IPCEF1: variants seen among roughly 807,000 people sequenced by gnomAD.
The protein encoded by IPCEF1 is interactor protein for cytohesin exchange factors 1.
A neutral mutation model predicts 50.9 loss-of-function variants in IPCEF1; 31 were observed. The observed-to-expected ratio is 0.61, with a 90% CI of 0.46 to 0.82. IPCEF1 has a LOEUF of 0.82. IPCEF1 is among the 40% of genes least tolerant of loss of function. The pLI is 0.00. For synonymous variants in IPCEF1, 181 were observed against 192.0 expected (o/e 0.94, Z 0.47); for missense variants, 458 against 514.0 (o/e 0.89, Z 1.05).
At chr6:154,315,334 T>C (rs550818116) in intron 1 of IPCEF1, among the ~76,000 whole-genome samples, 3 of 152,314 alleles carry the variant, frequency 2.0e-5, no homozygotes, top group East Asian at 3.9e-4. Flanking sequence ...AGCATTTCTA[T>C]GAACATGACA....
intron 7 of IPCEF1, chr6:154,219,110 T>G (rs1017228053): frequency 6.6e-6 from 1 of 152,098 alleles, no homozygotes; most frequent in Non-Finnish European, 1.5e-5. Flanking sequence ...GAAATGTAAA[T>G]AAACACTGGG....
intron 1 of IPCEF1, among the ~76,000 whole-genome samples, chr6:154,324,816 CA>C (rs1033550185): frequency 4.0e-5 from 6 of 151,500 alleles, no homozygotes; most frequent in African/African-American, 1.5e-4. Flanking sequence ...TCGAAACAAA[CA>C]AAAAAATACA....
chr6:154,215,421 G>T (rs790255), intron 7 of IPCEF1, among the ~76,000 whole-genome samples: 82,903 of 151,754 alleles, frequency 0.55, 23,096 homozygotes, highest in South Asian at 0.76. Flanking sequence ...CTGACCAACA[G>T]GGAGAAACCC....
chr6:154,219,819 A>G (rs1311697663), intron 7 of IPCEF1, among the ~76,000 whole-genome samples: 1 of 152,138 alleles, frequency 6.6e-6, no homozygotes, highest in African/African-American at 2.4e-5. Flanking sequence ...TGTTTGGAAG[A>G]CTCAACTGTC....
In IPCEF1 at chr6:154,234,597, T is replaced by G. The variant is rs187923568; in HGVS notation, c.247-11354A>C. Among the ~76,000 whole-genome samples, 442 of 152,330 alleles carry G rather than the reference T, an allele frequency of 2.9e-3. 1 individual carries two copies. Among genetic ancestry groups the G allele is most frequent in the Non-Finnish European group, 5.1e-3 (345 of 68,034 alleles). On this transcript the variant is annotated intron_variant, in intron 5 of 11. Transcript: ENST00000367220. The stretch of plus-strand genomic sequence containing the variant: ...TCAACCAAGGATATGGCTCTCTCAC[T>G]ATCACATTACGTCATATTTAGGTGG...
intron 5 of IPCEF1, among the ~76,000 whole-genome samples, chr6:154,240,244 C>T (rs1224090452): frequency 6.6e-6 from 1 of 152,184 alleles, no homozygotes; most frequent in African/African-American, 2.4e-5. Flanking sequence ...CTGGTACATG[C>T]TCTGTACCTG....
chr6:154,306,152 T>C (rs1260811455), intron 1 of IPCEF1, among the ~76,000 whole-genome samples: 2 of 152,152 alleles, frequency 1.3e-5, no homozygotes, highest in East Asian at 3.9e-4. Flanking sequence ...CATCTAACTC[T>C]GGAAGTCGCC....
At chr6:154,252,007 G>T (rs1395507097) in intron 3 of IPCEF1, among the ~76,000 whole-genome samples, 4 of 152,204 alleles carry the variant, frequency 2.6e-5, no homozygotes, top group African/African-American at 9.6e-5. Context: ...TAAAGATACT[G>T]AGTCTGATAA....
chr6:154,289,787 G>GAA (rs1782466993), intron 1 of IPCEF1, 31 bp from the exon 2 acceptor site: 4 of 149,608 alleles, frequency 2.7e-5, no homozygotes, highest in African/African-American at 9.8e-5. Context: ...AAAAAAGAGA[G>GAA]AGAGAGGAAA....
intron 1 of IPCEF1, among the ~76,000 whole-genome samples, chr6:154,334,215 A>T (rs1430831827): frequency 2.0e-5 from 3 of 152,154 alleles, no homozygotes; most frequent in Non-Finnish European, 4.4e-5. Context: ...CAATTTAAAG[A>T]CCTTCTCTTT....
intron 5 of IPCEF1, among the ~76,000 whole-genome samples, chr6:154,243,910 A>G (rs1338786129): frequency 2.6e-5 from 4 of 152,208 alleles, no homozygotes; most frequent in African/African-American, 9.7e-5. Context: ...GAGAGCATAT[A>G]TGCAAGGTAC....
At chr6:154,240,856 G>T (rs80344340) in intron 5 of IPCEF1, among the ~76,000 whole-genome samples, 2,206 of 152,260 alleles carry the variant, frequency 0.014, 56 homozygotes, top group African/African-American at 0.05. Flanking sequence ...ACATATTGGG[G>T]CCTCAAAGAA....
chr6:154,222,437 A>G (rs2128617796), intron 6 of IPCEF1, among the ~76,000 whole-genome samples: 1 of 152,386 alleles, frequency 6.6e-6, no homozygotes, highest in South Asian at 2.1e-4. Context: ...CCCCTTTCTG[A>G]TAAGACTGGA....
rs931063276 is a variant in IPCEF1 at position 154,216,749 on chromosome 6, T to C, written c.393-2473A>G. 2.0e-5 allele frequency among the ~76,000 whole-genome samples: 3 copies of C among 152,180 alleles called. No individual in the cohort carries two copies. In the South Asian group the frequency reaches 6.2e-4, roughly 32 times the overall value. On this transcript the variant is annotated intron_variant, in intron 7 of 11. Coordinates refer to ENST00000367220, the MANE Select transcript of IPCEF1 (RefSeq NM_001130700.2). ...CAGGCGTGGTGGCACACGCCTATAA[T>C]CCCAGCTACTTGGGAGGCTGAGGCA...
intron 8 of IPCEF1, among the ~76,000 whole-genome samples, chr6:154,213,898 A>G (rs1015989793): frequency 4.6e-5 from 7 of 152,314 alleles, no homozygotes; most frequent in Middle Eastern, 6.8e-3. Context: ...TCATGACGAG[A>G]TCATGTCTAT....
intron 1 of IPCEF1, among the ~76,000 whole-genome samples, chr6:154,338,336 G>C (rs994005065): frequency 1.3e-5 from 2 of 152,144 alleles, no homozygotes. Flanking sequence ...CTCTAACCCT[G>C]CCACTTTATG....
chr6:154,339,982 G>T (rs1437218887), intron 1 of IPCEF1, among the ~76,000 whole-genome samples: 1 of 152,162 alleles, frequency 6.6e-6, no homozygotes, highest in African/African-American at 2.4e-5. Flanking sequence ...AGAGGAAACT[G>T]AGTGGGGATC....
intron 3 of IPCEF1, among the ~76,000 whole-genome samples, chr6:154,252,271 A>G (rs1215847546): frequency 6.6e-6 from 1 of 152,214 alleles, no homozygotes; most frequent in East Asian, 1.9e-4. Context: ...ATTAACAGCC[A>G]AAGAAAAAGT....
chr6:154,232,623 G>T (rs1779809649), intron 5 of IPCEF1, among the ~76,000 whole-genome samples: 1 of 152,104 alleles, frequency 6.6e-6, no homozygotes, highest in Non-Finnish European at 1.5e-5. Context: ...CTCAGGAACT[G>T]AAATGGGAGG....
Sources: gnomAD v4.1 joint callset for allele counts (sites outside exome capture counted in the v4.1 genomes callset) on GRCh38, gnomAD v4.1.1 for gene constraint, MANE v1.5 for transcripts, NCBI Gene and HGNC (gene_info 2026-07-23, HGNC 2026-07-21) for gene names.